The following RBFOX1 variants were observed in gnomAD, a reference collection of about 807,000 sequenced individuals.
RBFOX1 encodes RNA binding fox-1 homolog 1.
In RBFOX1, 8 loss-of-function variants were observed where a neutral mutation model predicts 57.7. The ratio of observed to expected loss-of-function variants is 0.14; its 90% confidence interval spans 0.08 to 0.25. The LOEUF (loss-of-function observed/expected upper bound fraction) is 0.25. RBFOX1 is among the 10% of genes least tolerant of loss of function. The pLI is 1.00. For missense variants in RBFOX1, 611 were observed against 548.5 expected (o/e 1.11, Z -1.14); for synonymous variants, 326 against 222.4 (o/e 1.47, Z -4.15).
chr16:5,747,417 T>G (rs2053028955), intron 3 of RBFOX1, among the ~76,000 whole-genome samples: 1 of 152,188 alleles, frequency 6.6e-6, no homozygotes, highest in South Asian at 2.1e-4. Context: ...TTAGGGAGGA[T>G]TCCCTCTTTT....
chr16:6,616,741 TTTCTTAA>T (rs2098147177), intron 2 of RBFOX1, among the ~76,000 whole-genome samples: 2 of 152,208 alleles, frequency 1.3e-5, no homozygotes, highest in Admixed American at 6.5e-5. Context: ...GGCAATAAGT[TTTCTTAA>T]TTCATTGCAA....
chr16:5,866,323 C>T lies in RBFOX1; in HGVS notation c.319-980C>T, dbSNP rs553785558. On this transcript the variant is annotated intron_variant, in intron 3 of 19. Transcript: ENST00000641259. Reference sequence around the variant, plus strand: ...CCATCATGAGGGCCTACCTTCATGACATCATCTAAACTTAATTACTTTCCA... The same window carrying T: ...CCATCATGAGGGCCTACCTTCATGATATCATCTAAACTTAATTACTTTCCA... Among the ~76,000 whole-genome samples the T allele has an allele frequency of 6.4e-4, 97 of 152,298 alleles. No individual in the cohort carries two copies. The Middle Eastern group carries it at 0.01, about 16-fold the overall frequency.
chr16:6,130,674 G>T (rs1362917348), intron 1 of RBFOX1, among the ~76,000 whole-genome samples: 1 of 152,104 alleles, frequency 6.6e-6, no homozygotes, highest in Non-Finnish European at 1.5e-5. Context: ...GAGTAAAAGA[G>T]TGGAAAACTA....
intron 1 of RBFOX1, among the ~76,000 whole-genome samples, chr16:6,085,973 C>T (rs905209868): frequency 6.6e-6 from 1 of 152,128 alleles, no homozygotes; most frequent in African/African-American, 2.4e-5. Context: ...GATGCTCTCT[C>T]TTCCCCCAGC....
At chr16:5,371,686 A>C (rs1415690279) in intron 1 of RBFOX1, among the ~76,000 whole-genome samples, 1 of 152,140 alleles carries the variant, frequency 6.6e-6, no homozygotes, top group Non-Finnish European at 1.5e-5. Context: ...CCACATTTTG[A>C]GGGAATGAAG....
At chr16:5,316,888 G>A (rs2064254175) in intron 1 of RBFOX1, among the ~76,000 whole-genome samples, 2 of 152,230 alleles carry the variant, frequency 1.3e-5, no homozygotes, top group South Asian at 4.2e-4. Flanking sequence ...TCCTTTATAT[G>A]GGTGGGCAGA....
At chr16:5,774,713 C>T (rs1192967575) in intron 3 of RBFOX1, among the ~76,000 whole-genome samples, 1 of 152,146 alleles carries the variant, frequency 6.6e-6, no homozygotes, top group Non-Finnish European at 1.5e-5. Flanking sequence ...GATAAAGTCT[C>T]ACTCTCTCGC....
At chr16:5,274,295 G>A (rs535075413) in intron 1 of RBFOX1, among the ~76,000 whole-genome samples, 7 of 152,264 alleles carry the variant, frequency 4.6e-5, no homozygotes, top group Admixed American at 3.9e-4. Context: ...TTGGGAGGCC[G>A]AGGTGGGCAG....
At chr16:7,665,563 A>C (rs1168104833) in intron 13 of RBFOX1, among the ~76,000 whole-genome samples, 1 of 152,160 alleles carries the variant, frequency 6.6e-6, no homozygotes, top group Non-Finnish European at 1.5e-5. Context: ...TTGCTTGCTA[A>C]ATAGTAACAC....
chr16:5,989,097 G>C (rs2060336598), intron 4 of RBFOX1, among the ~76,000 whole-genome samples: 1 of 151,696 alleles, frequency 6.6e-6, no homozygotes, highest in South Asian at 2.1e-4. Flanking sequence ...GAGGCGGGTG[G>C]ATCACGAGGT....
At chr16:7,605,115 C>G (rs2095233031) in intron 9 of RBFOX1, among the ~76,000 whole-genome samples, 1 of 151,964 alleles carries the variant, frequency 6.6e-6, no homozygotes, top group Non-Finnish European at 1.5e-5. Flanking sequence ...TCTTAGACTC[C>G]AAGTTGAAAT....
At chr16:6,550,514 C>T (rs1057299806) in intron 2 of RBFOX1, among the ~76,000 whole-genome samples, 17 of 151,784 alleles carry the variant, frequency 1.1e-4, no homozygotes, top group African/African-American at 4.1e-4. Context: ...TCAGTAGAGA[C>T]GGGGTTTCAT....
At chr16:7,323,442 T>C (rs2143304397) in intron 4 of RBFOX1, among the ~76,000 whole-genome samples, 1 of 152,174 alleles carries the variant, frequency 6.6e-6, no homozygotes, top group South Asian at 2.1e-4. Flanking sequence ...AATAAAATAA[T>C]TTTCTAAAAA....
intron 2 of RBFOX1, among the ~76,000 whole-genome samples, chr16:6,651,898 A>C (rs1042981548): frequency 2.6e-5 from 4 of 152,234 alleles, no homozygotes; most frequent in Non-Finnish European, 5.9e-5. Context: ...ATAAGAATGA[A>C]ATTCTAACAC....
chr16:7,028,941 G>C lies in RBFOX1; in HGVS notation c.-15-23116G>C, dbSNP rs574125208. Among the ~76,000 whole-genome samples, 85 of 149,810 alleles carry C rather than the reference G, an allele frequency of 5.7e-4. No homozygotes were observed. In the South Asian group the frequency reaches 6.5e-3, roughly 12 times the overall value. The stretch of plus-strand genomic sequence containing the variant: ...TGCAAGCATCTATGAAATAATGAAA[G>C]TTTAAATGACCATAGCAGCAAGCAT... On this transcript the variant is annotated intron_variant, in intron 3 of 15. Coordinates refer to ENST00000550418, the MANE Select transcript of RBFOX1 (RefSeq NM_018723.4).
intron 5 of RBFOX1, among the ~76,000 whole-genome samples, chr16:7,532,432 A>T (rs544468145): frequency 1.3e-5 from 2 of 152,180 alleles, no homozygotes; most frequent in South Asian, 2.1e-4. Context: ...TGGATTTGGG[A>T]ATTTTTCCTC....
intron 2 of RBFOX1, among the ~76,000 whole-genome samples, chr16:6,346,241 C>T (rs1483764788): frequency 6.6e-6 from 1 of 152,114 alleles, no homozygotes; most frequent in Non-Finnish European, 1.5e-5. Context: ...CCAAAACAAG[C>T]AATCCATCTG....
chr16:6,317,586 T>C (rs2081268889), intron 2 of RBFOX1, among the ~76,000 whole-genome samples: 1 of 152,158 alleles, frequency 6.6e-6, no homozygotes, highest in African/African-American at 2.4e-5. Context: ...TGGGGTACAT[T>C]ATAGAAATTT....
At chr16:6,521,721 A>T (rs938041001) in intron 2 of RBFOX1, among the ~76,000 whole-genome samples, 1 of 152,124 alleles carries the variant, frequency 6.6e-6, no homozygotes, top group Non-Finnish European at 1.5e-5. Flanking sequence ...AGAAAAAAAA[A>T]TTGCAAAATT....
Sources: allele counts gnomAD v4.1 joint callset (sites outside exome capture counted in the v4.1 genomes callset), GRCh38; gene constraint gnomAD v4.1.1; transcripts MANE v1.5; gene names NCBI Gene and HGNC (gene_info 2026-07-23, HGNC 2026-07-21).